The following CTTNBP2 variants were observed in gnomAD, a reference collection of about 807,000 sequenced individuals.
The protein encoded by CTTNBP2 is cortactin binding protein 2.
A neutral mutation model predicts 156.9 loss-of-function variants in CTTNBP2; 108 were observed. That is an observed-to-expected ratio of 0.69 (90% CI 0.59 to 0.81). The LOEUF is 0.81. Among genes scored for constraint, CTTNBP2 ranks in the 30% least tolerant of loss-of-function variants. CTTNBP2 has a pLI of 0.00. For synonymous variants in CTTNBP2, 767 were observed against 751.8 expected (o/e 1.02, Z -0.33); for missense variants, 1,924 against 2,035.4 (o/e 0.95, Z 1.05).
chr7:117,756,208 A>G (rs1796874227), intron 12 of CTTNBP2, among the ~76,000 whole-genome samples: 1 of 152,218 alleles, frequency 6.6e-6, no homozygotes, highest in Non-Finnish European at 1.5e-5. Context: ...ATAAAAGTTT[A>G]TAGTAAGGCA....
intron 16 of CTTNBP2, among the ~76,000 whole-genome samples, chr7:117,729,720 C>A (rs965230539): frequency 2.6e-5 from 4 of 151,922 alleles, no homozygotes; most frequent in Admixed American, 2.0e-4. Flanking sequence ...GGAAATTGAG[C>A]CAGGCCCTTT....
intron 2 of CTTNBP2, among the ~76,000 whole-genome samples, chr7:117,819,803 T>C (rs1362554917): frequency 2.0e-5 from 3 of 152,222 alleles, no homozygotes; most frequent in Admixed American, 1.3e-4. Flanking sequence ...ATAGACATCA[T>C]AATCTGGAGG....
At chr7:117,829,578 C>G (rs35789726) in intron 2 of CTTNBP2, among the ~76,000 whole-genome samples, 1 of 152,168 alleles carries the variant, frequency 6.6e-6, no homozygotes, top group African/African-American at 2.4e-5. Flanking sequence ...CACATATGCT[C>G]TAGGAATGAG....
chr7:117,777,463 C>CT, intron 8 of CTTNBP2, 48 bp downstream of exon 8: 1 of 1,578,140 alleles, frequency 6.3e-7, no homozygotes, highest in Non-Finnish European at 8.6e-7. Flanking sequence ...AACTTTGCTG[C>CT]TCATCAAATT....
Position 117,728,220 on chromosome 7 carries a change from G to A in CTTNBP2, c.3924C>T (p.Val1308=), listed in dbSNP as rs142002271. 19 of 1,614,036 alleles carry A rather than the reference G, an allele frequency of 1.2e-5. No homozygotes were observed. The African/African-American group carries it at 2.3e-4, about 19-fold the overall frequency. ...GACGCCAGACGGACAGAGCCCAGTC[G>A]ACAATCTTGCACACAGGATCGCAGG... ...PSPCDPVCKI[V]DWALSVWRQL... is the part of the protein sequence containing the mutation. The change falls in exon 17 of 23, where the codon GTC becomes GTT. Residue 1308 remains valine, a synonymous_variant. Coordinates refer to ENST00000160373, the MANE Select transcript of CTTNBP2 (RefSeq NM_033427.3).
chr7:117,764,543 T>C (rs1797374197), intron 9 of CTTNBP2, among the ~76,000 whole-genome samples: 1 of 152,194 alleles, frequency 6.6e-6, no homozygotes, highest in Non-Finnish European at 1.5e-5. Flanking sequence ...ATAACAAATA[T>C]AGGCTTGGAG....
chr7:117,816,816 C>G (rs1800604050), intron 2 of CTTNBP2, among the ~76,000 whole-genome samples: 1 of 151,880 alleles, frequency 6.6e-6, no homozygotes, highest in African/African-American at 2.4e-5. Context: ...GGTAAGGAGA[C>G]CATGTAACAA....
At chr7:117,854,892 C>A (rs2117212739) in intron 2 of CTTNBP2, among the ~76,000 whole-genome samples, 1 of 152,298 alleles carries the variant, frequency 6.6e-6, no homozygotes, top group South Asian at 2.1e-4. Context: ...TCAGGCGATT[C>A]TCCTGCCTCA....
intron 2 of CTTNBP2, among the ~76,000 whole-genome samples, chr7:117,818,649 T>C (rs1399031804): frequency 1.3e-5 from 2 of 152,208 alleles, no homozygotes; most frequent in Non-Finnish European, 2.9e-5. Context: ...ACTTCTGGAC[T>C]CACTTTTGGC....
At chr7:117,810,011 T>G (rs1228046637) in intron 3 of CTTNBP2, among the ~76,000 whole-genome samples, 1 of 152,192 alleles carries the variant, frequency 6.6e-6, no homozygotes, top group Non-Finnish European at 1.5e-5. Context: ...AGGGCAAAAT[T>G]TAAATTTCTA....
intron 9 of CTTNBP2, among the ~76,000 whole-genome samples, chr7:117,762,615 GTTCCTGATTTATC>G (rs1029968660): frequency 6.6e-6 from 1 of 152,186 alleles, no homozygotes; most frequent in Admixed American, 6.5e-5. Context: ...ACTAACAGCT[GTTCCTGATTTATC>G]TGTGACTTCC....
At chr7:117,844,391 C>G (rs958511451) in intron 2 of CTTNBP2, among the ~76,000 whole-genome samples, 7 of 152,136 alleles carry the variant, frequency 4.6e-5, no homozygotes, top group African/African-American at 1.7e-4. Flanking sequence ...ATTTAAGATA[C>G]ATCCTATTCC....
intron 2 of CTTNBP2, among the ~76,000 whole-genome samples, chr7:117,855,444 C>G (rs981416907): frequency 2.0e-5 from 3 of 152,104 alleles, no homozygotes; most frequent in Non-Finnish European, 4.4e-5. Flanking sequence ...AAAAATAGTC[C>G]CTCCTTGACT....
chr7:117,717,946 T>C, intron 22 of CTTNBP2, 72 bp downstream of exon 22: 1 of 946,622 alleles, frequency 1.1e-6, no homozygotes, highest in Non-Finnish European at 1.7e-6. Flanking sequence ...TGATTCACAC[T>C]GAAAGATGAT....
intron 14 of CTTNBP2, among the ~76,000 whole-genome samples, chr7:117,739,870 T>C (rs34557360): frequency 3.9e-5 from 6 of 152,316 alleles, no homozygotes; most frequent in East Asian, 1.9e-4. Flanking sequence ...TAGTCTCCTA[T>C]TGTAACAGCA....
chr7:117,719,251 A>G (rs1308642461), intron 21 of CTTNBP2, among the ~76,000 whole-genome samples: 1 of 152,190 alleles, frequency 6.6e-6, no homozygotes. Flanking sequence ...GACTTGTACT[A>G]ATGCAATTAA....
At chr7:117,767,382 C>T (rs1797541982) in intron 8 of CTTNBP2, among the ~76,000 whole-genome samples, 2 of 151,982 alleles carry the variant, frequency 1.3e-5, no homozygotes, top group Admixed American at 1.3e-4. Flanking sequence ...TATTTAAATG[C>T]AAATGATAGG....
intron 3 of CTTNBP2, among the ~76,000 whole-genome samples, chr7:117,808,818 A>G (rs1800095523): frequency 6.6e-6 from 1 of 152,214 alleles, no homozygotes; most frequent in Non-Finnish European, 1.5e-5. Context: ...TAAAGGTGAC[A>G]GGTAATTTTG....
intron 3 of CTTNBP2, among the ~76,000 whole-genome samples, chr7:117,799,152 A>G (rs895497998): frequency 1.3e-5 from 2 of 151,960 alleles, no homozygotes. Flanking sequence ...AAAATAGAAA[A>G]GACTTCCAAC....
Sources: gnomAD v4.1 joint callset for allele counts (sites outside exome capture counted in the v4.1 genomes callset) on GRCh38, gnomAD v4.1.1 for gene constraint, MANE v1.5 for transcripts, NCBI Gene and HGNC (gene_info 2026-07-23, HGNC 2026-07-21) for gene names.